The following TMEM154 variants were observed in gnomAD, a reference collection of about 807,000 sequenced individuals.
The protein encoded by TMEM154 is transmembrane protein 154.
Under a neutral mutation model 24.5 loss-of-function variants are expected in TMEM154, and 27 were observed. The observed-to-expected ratio is 1.10, with a 90% CI of 0.81 to 1.52. The LOEUF (loss-of-function observed/expected upper bound fraction) is 1.52. Among genes scored for constraint, TMEM154 ranks in the 40% most tolerant of loss-of-function variants. The pLI is 0.00. For synonymous variants in TMEM154, 67 were observed against 76.8 expected, an observed-to-expected ratio of 0.87 and a Z score of 0.67; for missense variants, 228 against 213.4, an observed-to-expected ratio of 1.07 and a Z score of -0.43.
rs867030382 is a variant in TMEM154, at chr4:152,620,895, A to G, written c.*7651T>C. 1 of 152,242 alleles carries G rather than the reference A, an allele frequency of 6.6e-6. No homozygotes were observed. Among genetic ancestry groups the G allele is most frequent in the Non-Finnish European group, 1.5e-5 (1 of 68,052 alleles). The allele number at this position is 152,242 out of a possible 1,614,324, so 9.4% of individuals were successfully genotyped here. On this transcript the variant is annotated 3_prime_UTR_variant, in exon 7 of 7. Coordinates refer to ENST00000304385, the MANE Select transcript of TMEM154 (RefSeq NM_152680.3). ...ACTTGTGCTTTGGAGTTGGAAAGAC[A>G]TGGAACAAGGTATAAGTTCTCTAAA... is the stretch of plus-strand genomic sequence containing the variant.
At chr4:152,645,108 C>T (rs1212765416) in intron 3 of TMEM154, among the ~76,000 whole-genome samples, 1 of 89,980 alleles carries the variant, frequency 1.1e-5, no homozygotes, top group Non-Finnish European at 2.2e-5. Flanking sequence ...TCTCATTGGT[C>T]AACCCGTCTG....
chr4:152,658,075 A>T (rs910681756), intron 1 of TMEM154, among the ~76,000 whole-genome samples: 3 of 152,224 alleles, frequency 2.0e-5, no homozygotes, highest in Non-Finnish European at 2.9e-5. Context: ...AATTGAAATC[A>T]TATCAAATAT....
intron 1 of TMEM154, among the ~76,000 whole-genome samples, chr4:152,665,554 C>T (rs1728702390): frequency 6.6e-6 from 1 of 152,184 alleles, no homozygotes; most frequent in South Asian, 2.1e-4. Context: ...TCACACCTTC[C>T]TGAATAAGCC....
intron 3 of TMEM154, among the ~76,000 whole-genome samples, chr4:152,650,218 G>A (rs541432515): frequency 4.6e-5 from 7 of 152,124 alleles, no homozygotes; most frequent in Non-Finnish European, 1.0e-4. Context: ...TTGTTTGATA[G>A]CATTTTATCT....
intron 3 of TMEM154, among the ~76,000 whole-genome samples, chr4:152,649,372 C>T (rs1403194386): frequency 3.3e-5 from 5 of 152,244 alleles, no homozygotes; most frequent in African/African-American, 1.2e-4. Context: ...ACCCTGACTC[C>T]TAGCACGTGA....
intron 6 of TMEM154, among the ~76,000 whole-genome samples, chr4:152,639,577 TCTCTCTCTCTCCCCCTCTCTCTCC>T (rs1281788852): frequency 6.6e-6 from 1 of 151,748 alleles, no homozygotes; most frequent in African/African-American, 2.4e-5. Context: ...AATCTCTCTC[TCTCTCTCTCTCCCCCTCTCTCTCC>T]CTCTCTCTCT....
chr4:152,631,370 T>C (rs182855397), intron 6 of TMEM154, among the ~76,000 whole-genome samples: 1 of 152,258 alleles, frequency 6.6e-6, no homozygotes, highest in African/African-American at 2.4e-5. Context: ...GCTTAGTTGG[T>C]AATTTTAATT....
chr4:152,624,686 G>C lies in TMEM154; in HGVS notation c.*3860C>G, dbSNP rs1041158860. The C allele has an allele frequency of 1.3e-5, 2 of 152,142 alleles. No homozygotes were observed. Among genetic ancestry groups the C allele is most frequent in the Middle Eastern group, 3.2e-3 (1 of 316 alleles). 9.4% of individuals were successfully genotyped at this position (152,142 alleles called of 1,614,324 possible). The stretch of plus-strand genomic sequence containing the variant: ...TAAAACTTTGGTGCCAGACAAGACA[G>C]TATCAAGATAAAGCCAAAGAGTTGC... On this transcript the variant is annotated 3_prime_UTR_variant, in exon 7 of 7. Coordinates refer to ENST00000304385, the MANE Select transcript of TMEM154 (RefSeq NM_152680.3).
At chr4:152,670,879 A>T (rs1728821879) in intron 1 of TMEM154, among the ~76,000 whole-genome samples, 1 of 152,194 alleles carries the variant, frequency 6.6e-6, no homozygotes, top group Admixed American at 6.5e-5. Context: ...GCCATTTGGC[A>T]AGTGCAGGTG....
chr4:152,675,842 C>T (rs1234716636), intron 1 of TMEM154, among the ~76,000 whole-genome samples: 1 of 152,178 alleles, frequency 6.6e-6, no homozygotes, highest in African/African-American at 2.4e-5. Context: ...GTTTGCATTG[C>T]TTCATTACAG....
In TMEM154 at chr4:152,642,416, C is replaced by T. The variant is rs563148739; in HGVS notation, c.478+672G>A. Among the ~76,000 whole-genome samples, 71 of 152,174 alleles carry T rather than the reference C, an allele frequency of 4.7e-4. 1 individual carries two copies. Among genetic ancestry groups the T allele is most frequent in the Non-Finnish European group, 8.7e-4 (59 of 67,996 alleles). ...AGGGAATTTGAAAAAGAAAAAGCAG[C>T]TGTCATCATTTTAAAGTCCCATTAT... On this transcript the variant is annotated intron_variant, in intron 5 of 6. Transcript: ENST00000304385.
chr4:152,654,683 A>T (rs116108815), intron 1 of TMEM154, among the ~76,000 whole-genome samples: 1,921 of 152,314 alleles, frequency 0.013, 35 homozygotes, highest in African/African-American at 0.041. Context: ...TTTCCTTGCC[A>T]TATGTGGATA....
intron 6 of TMEM154, among the ~76,000 whole-genome samples, chr4:152,639,100 G>C (rs544814361): frequency 1.3e-5 from 2 of 152,032 alleles, no homozygotes; most frequent in Admixed American, 1.3e-4. Flanking sequence ...ACAGGTGCCC[G>C]CCACAACGCC....
intron 6 of TMEM154, among the ~76,000 whole-genome samples, chr4:152,632,776 G>T (rs754564894): frequency 6.6e-6 from 1 of 152,174 alleles, no homozygotes; most frequent in Non-Finnish European, 1.5e-5. Flanking sequence ...AGAGCCCTGG[G>T]TCAGTTGTCC....
intron 1 of TMEM154, chr4:152,669,265 A>G (rs1194375393): frequency 6.6e-6 from 1 of 152,156 alleles, no homozygotes; most frequent in Non-Finnish European, 1.5e-5. Flanking sequence ...TATTATTCTA[A>G]TACGTAGCTG....
intron 1 of TMEM154, among the ~76,000 whole-genome samples, chr4:152,678,990 C>G (rs2149792910): frequency 6.6e-6 from 1 of 152,258 alleles, no homozygotes; most frequent in East Asian, 1.9e-4. Context: ...TTTCCTTTTG[C>G]TTGGTAAATA....
chr4:152,634,670 C>A (rs897805752), intron 6 of TMEM154, among the ~76,000 whole-genome samples: 1 of 152,144 alleles, frequency 6.6e-6, no homozygotes, highest in Non-Finnish European at 1.5e-5. Flanking sequence ...CACACACACA[C>A]GTGCGCACGT....
At chr4:152,660,617 G>A (rs151181054) in intron 1 of TMEM154, among the ~76,000 whole-genome samples, 164 of 152,198 alleles carry the variant, frequency 1.1e-3, no homozygotes, top group Admixed American at 2.0e-3. Context: ...TGAAACCAGG[G>A]GGCCGATGGC....
At chr4:152,673,509 CA>C (rs1728893830) in intron 1 of TMEM154, among the ~76,000 whole-genome samples, 1 of 152,204 alleles carries the variant, frequency 6.6e-6, no homozygotes, top group Non-Finnish European at 1.5e-5. Flanking sequence ...CCACATTGGT[CA>C]AGCTAGTCTC....
Sources: allele counts gnomAD v4.1 joint callset (sites outside exome capture counted in the v4.1 genomes callset), GRCh38; gene constraint gnomAD v4.1.1; transcripts MANE v1.5; gene names NCBI Gene and HGNC (gene_info 2026-07-23, HGNC 2026-07-21).